Variants in HLCS observed in about 807,000 individuals in gnomAD.
HLCS encodes holocarboxylase synthetase.
A neutral mutation model predicts 75.0 loss-of-function variants in HLCS; 53 were observed. The ratio of observed to expected loss-of-function variants is 0.71; its 90% CI spans 0.57 to 0.89. HLCS has a LOEUF of 0.89. Ranked by LOEUF, HLCS falls within the 40% of genes least tolerant of loss-of-function variation. HLCS has a pLI of 0.00. For synonymous variants in HLCS, 431 were observed against 428.6 expected, an observed-to-expected ratio of 1.01 and a Z score of -0.07; for missense variants, 966 against 1,074.0, an observed-to-expected ratio of 0.90 and a Z score of 1.41.
At chr21:36,791,169 C>A (rs999750012) in intron 6 of HLCS, among the ~76,000 whole-genome samples, 7 of 152,258 alleles carry the variant, frequency 4.6e-5, no homozygotes, top group Admixed American at 3.9e-4. Context: ...TAAGAAGCGT[C>A]CTCTGTTGTA....
chr21:36,754,884 G>A (rs1278146007), intron 10 of HLCS, among the ~76,000 whole-genome samples: 1 of 152,168 alleles, frequency 6.6e-6, no homozygotes, highest in Non-Finnish European at 1.5e-5. Context: ...TTTTCCAAAT[G>A]TACTCAAGTC....
chr21:36,856,697 T>A (rs967897750), intron 6 of HLCS, among the ~76,000 whole-genome samples: 2 of 151,382 alleles, frequency 1.3e-5, no homozygotes, highest in African/African-American at 4.9e-5. Context: ...GAAAAAAAAA[T>A]GAATGTCCAA....
At chr21:36,774,076 C>T (rs114677917) in intron 6 of HLCS, among the ~76,000 whole-genome samples, 4 of 152,168 alleles carry the variant, frequency 2.6e-5, no homozygotes, top group South Asian at 2.1e-4. Context: ...TGCTAAAAAA[C>T]GCCTCCACCG....
At chr21:36,926,030 G>A (rs1477689263) in intron 5 of HLCS, among the ~76,000 whole-genome samples, 2 of 152,172 alleles carry the variant, frequency 1.3e-5, no homozygotes, top group Non-Finnish European at 2.9e-5. Context: ...CTGACTGCCT[G>A]TCACCCACTG....
At chr21:36,906,777 C>T (rs1301971546) in intron 5 of HLCS, among the ~76,000 whole-genome samples, 3 of 149,756 alleles carry the variant, frequency 2.0e-5, no homozygotes, top group Non-Finnish European at 4.4e-5. Context: ...GGAAAACCTA[C>T]ATTATCTGCT....
chr21:36,823,209 A>T (rs1357298859), intron 6 of HLCS, among the ~76,000 whole-genome samples: 4 of 152,232 alleles, frequency 2.6e-5, no homozygotes, highest in Non-Finnish European at 5.9e-5. Flanking sequence ...GCTTATTTGG[A>T]TAATGATGCA....
intron 6 of HLCS, among the ~76,000 whole-genome samples, chr21:36,888,461 T>A (rs1217689255): frequency 0.011 from 241 of 21,962 alleles, 14 homozygotes; most frequent in South Asian, 0.019. Flanking sequence ...TATATATATA[T>A]ATATATATAT....
chr21:36,876,388 A>G (rs1013235981), intron 6 of HLCS, among the ~76,000 whole-genome samples: 1 of 152,192 alleles, frequency 6.6e-6, no homozygotes, highest in Non-Finnish European at 1.5e-5. Flanking sequence ...TCGTACATCA[A>G]CTTACAGCAA....
chr21:36,755,713 C>T (rs966284156), intron 10 of HLCS, among the ~76,000 whole-genome samples: 2 of 152,230 alleles, frequency 1.3e-5, no homozygotes, highest in African/African-American at 4.8e-5. Context: ...GTGCGCAGAC[C>T]TGACATTTTT....
upstream of HLCS, chr21:36,966,689 C>T (rs1349507986): frequency 1.1e-6 from 1 of 905,004 alleles, no homozygotes; most frequent in East Asian, 1.2e-4. Flanking sequence ...CCCCAGCGCC[C>T]CAGGCCCGGC....
At chr21:36,843,858 A>T (rs927065172) in intron 6 of HLCS, among the ~76,000 whole-genome samples, 7 of 152,074 alleles carry the variant, frequency 4.6e-5, no homozygotes, top group African/African-American at 1.4e-4. Flanking sequence ...ATTCTAAAAA[A>T]TTACCTGGGT....
At chr21:36,791,845 G>A (rs1013718963) in intron 6 of HLCS, among the ~76,000 whole-genome samples, 7 of 152,070 alleles carry the variant, frequency 4.6e-5, no homozygotes, top group Middle Eastern at 6.8e-3. Flanking sequence ...CCCCACCCCC[G>A]GCAAAAGCAC....
chr21:36,945,220 G>GT (rs1050000575), intron 2 of HLCS, among the ~76,000 whole-genome samples: 125 of 149,694 alleles, frequency 8.4e-4, no homozygotes, highest in Middle Eastern at 6.9e-3. Flanking sequence ...TTTTTTTTTG[G>GT]TTTTTTTTTG....
intron 6 of HLCS, among the ~76,000 whole-genome samples, chr21:36,882,021 G>A (rs2064240986): frequency 1.3e-5 from 2 of 151,902 alleles, no homozygotes; most frequent in African/African-American, 2.4e-5. Flanking sequence ...GGTGGCTCAC[G>A]CCTGTAATCC....
rs143993094 is a variant in HLCS, at chr21:36,897,280, C to T, written c.1621-149G>A. 1,660 of 736,168 alleles carry T rather than the reference C, an allele frequency of 2.3e-3. 21 individuals carry two copies. In the African/African-American group the frequency reaches 0.026, roughly 12 times the overall value. The allele number at this position is 736,168 out of a possible 1,614,324, so 45.6% of individuals were successfully genotyped here. A position where few individuals can be genotyped will look rare whatever the true frequency, so the allele number is the denominator to read the frequency against. The stretch of plus-strand genomic sequence containing the variant: ...GATTAACATATTCCATACATCTAAA[C>T]GATTAGACAATATGATAATCATATA... On this transcript the variant is annotated intron_variant, in intron 5 of 10. Coordinates refer to ENST00000674895, the MANE Select transcript of HLCS (RefSeq NM_001352514.2).
intron 6 of HLCS, among the ~76,000 whole-genome samples, chr21:36,770,631 G>A (rs1292456056): frequency 6.7e-6 from 1 of 149,766 alleles, no homozygotes; most frequent in African/African-American, 2.5e-5. Context: ...ATCTCAGCTA[G>A]AGTGCAGTGA....
At chr21:36,764,521 TGGTG>T (rs1568974451) in intron 8 of HLCS, among the ~76,000 whole-genome samples, 1 of 151,918 alleles carries the variant, frequency 6.6e-6, no homozygotes, top group Non-Finnish European at 1.5e-5. Context: ...CTGGGCCACA[TGGTG>T]AAACCCCATC....
intron 6 of HLCS, among the ~76,000 whole-genome samples, chr21:36,811,994 C>T (rs539312352): frequency 1.3e-5 from 2 of 152,276 alleles, no homozygotes; most frequent in South Asian, 4.1e-4. Context: ...CCTGCTTTGG[C>T]ATCCTGTGAG....
At chr21:36,784,179 C>T (rs1224576182) in intron 6 of HLCS, among the ~76,000 whole-genome samples, 1 of 152,120 alleles carries the variant, frequency 6.6e-6, no homozygotes, top group Non-Finnish European at 1.5e-5. Flanking sequence ...GGAAGCTACA[C>T]CGCAGAAGTG....
Sources: allele counts gnomAD v4.1 joint callset (sites outside exome capture counted in the v4.1 genomes callset), GRCh38; gene constraint gnomAD v4.1.1; transcripts MANE v1.5; gene names NCBI Gene and HGNC (gene_info 2026-07-23, HGNC 2026-07-21).